Variants in OSBPL9 observed in about 807,000 individuals in gnomAD.
OSBPL9 encodes oxysterol-binding protein-related protein 9.
In OSBPL9, 40 loss-of-function variants were observed where a neutral mutation model predicts 106.6. The ratio of observed to expected loss-of-function variants is 0.38; its 90% CI spans 0.29 to 0.49. OSBPL9 has a LOEUF of 0.49. Ranked by LOEUF, OSBPL9 falls within the 20% of genes least tolerant of loss-of-function variation. The pLI, the probability that OSBPL9 is intolerant of heterozygous loss-of-function variation, is 0.97. For synonymous variants in OSBPL9, 269 were observed against 295.4 expected, an observed-to-expected ratio of 0.91 and a Z score of 0.92; for missense variants, 609 against 887.2, an observed-to-expected ratio of 0.69 and a Z score of 3.98.
upstream of OSBPL9, among the ~76,000 whole-genome samples, chr1:51,572,841 T>C (rs1450246830): frequency 6.6e-6 from 1 of 152,254 alleles, no homozygotes; most frequent in Non-Finnish European, 1.5e-5. Flanking sequence ...TTCTTTTCCA[T>C]CTGCTAATTT....
rs185897388 is a variant in OSBPL9 at position 51,597,513 on chromosome 1, A to G, written c.-422-611A>G. ...TGTATATATATATATACACACACAC[A>G]TATATATATACACACAATATAATCC... On this transcript the variant is annotated intron_variant, in intron 1 of 25. Transcript: ENST00000371714. Among the ~76,000 whole-genome samples, 378 of 151,320 alleles carry G rather than the reference A, an allele frequency of 2.5e-3. 1 individual carries two copies. Among genetic ancestry groups the G allele is most frequent in the African/African-American group, 8.7e-3 (357 of 41,236 alleles).
intron 3 of OSBPL9, among the ~76,000 whole-genome samples, chr1:51,678,096 T>C (rs1005270928): frequency 1.1e-4 from 16 of 151,630 alleles, no homozygotes; most frequent in African/African-American, 3.9e-4. Flanking sequence ...GGCAGATGAG[T>C]CCCTTGAGTT....
At chr1:51,739,969 G>A (rs1420795382) in intron 4 of OSBPL9, among the ~76,000 whole-genome samples, 2 of 151,828 alleles carry the variant, frequency 1.3e-5, no homozygotes, top group South Asian at 2.1e-4. Flanking sequence ...TCTAAGAAAG[G>A]CCATTATGTT....
chr1:51,578,048 C>T (rs1420124605), intron 1 of OSBPL9, among the ~76,000 whole-genome samples: 1 of 152,180 alleles, frequency 6.6e-6, no homozygotes, highest in Admixed American at 6.5e-5. Flanking sequence ...TCTGTCTTCC[C>T]TACCAGACTA....
At chr1:51,683,126 C>T (rs538117645) in intron 3 of OSBPL9, among the ~76,000 whole-genome samples, 72 of 152,164 alleles carry the variant, frequency 4.7e-4, no homozygotes, top group Admixed American at 2.7e-3. Context: ...CCGCCCGCCT[C>T]TGCCTCCCAA....
At position 51,642,616 on chromosome 1, in the gene OSBPL9, C is replaced by T. The variant is rs552570157; in HGVS notation, c.112-9375C>T. Among the ~76,000 whole-genome samples the T allele has an allele frequency of 2.0e-5, 3 of 152,248 alleles. No individual in the cohort carries two copies. In the South Asian group the frequency reaches 6.2e-4, roughly 32 times the overall value. On this transcript the variant is annotated intron_variant, in intron 1 of 23. Transcript: ENST00000428468. ...GGGGAAATAGGCAACTGTCCCCCTCCCCTCATGAAATGGTCACTTAGGAAA... is the reference window on the plus strand; with the variant it reads ...GGGGAAATAGGCAACTGTCCCCCTCTCCTCATGAAATGGTCACTTAGGAAA...
At chr1:51,697,666 G>T (rs184301137) in intron 3 of OSBPL9, among the ~76,000 whole-genome samples, 1 of 151,450 alleles carries the variant, frequency 6.6e-6, no homozygotes, top group Non-Finnish European at 1.5e-5. Flanking sequence ...AGTTTAGGTT[G>T]TGTGAGTTAC....
intron 4 of OSBPL9, among the ~76,000 whole-genome samples, chr1:51,720,902 G>A (rs1662002514): frequency 1.3e-5 from 2 of 148,634 alleles, no homozygotes; most frequent in African/African-American, 5.0e-5. Flanking sequence ...GGCTCAAGCA[G>A]TCCTCTCACC....
chr1:51,684,893 G>GCCTGAAC (rs1653406145), intron 3 of OSBPL9, among the ~76,000 whole-genome samples: 2 of 149,994 alleles, frequency 1.3e-5, no homozygotes, highest in African/African-American at 4.9e-5. Flanking sequence ...TCAAATAGTT[G>GCCTGAAC]CCTGAACACT....
chr1:51,624,603 T>TAAATAA (rs1463942212), intron 1 of OSBPL9, among the ~76,000 whole-genome samples: 3 of 151,460 alleles, frequency 2.0e-5, no homozygotes, highest in Admixed American at 6.6e-5. Context: ...AATAAATAAA[T>TAAATAA]AAATAAAAAT....
intron 9 of OSBPL9, chr1:51,756,610 C>A: frequency 4.5e-6 from 2 of 444,714 alleles, no homozygotes; most frequent in Admixed American, 3.6e-5. Context: ...AAGGGTTAAT[C>A]ATGGTATGAA....
chr1:51,650,989 G>A (rs1413169254), intron 1 of OSBPL9, among the ~76,000 whole-genome samples: 1 of 152,178 alleles, frequency 6.6e-6, no homozygotes, highest in Non-Finnish European at 1.5e-5. Flanking sequence ...TGAGGCATAA[G>A]TCAGATACAA....
intron 9 of OSBPL9, among the ~76,000 whole-genome samples, chr1:51,758,139 G>A (rs1303513688): frequency 6.6e-6 from 1 of 152,072 alleles, no homozygotes; most frequent in African/African-American, 2.4e-5. Flanking sequence ...CAAAAAGATT[G>A]AGTACTTTTA....
intron 15 of OSBPL9, among the ~76,000 whole-genome samples, chr1:51,780,083 GAA>G (rs551088535): frequency 2.6e-5 from 2 of 75,590 alleles, no homozygotes; most frequent in Non-Finnish European, 2.8e-5. Flanking sequence ...ATCTCAAAAA[GAA>G]AAAAAAAAAA....
intron 2 of OSBPL9, among the ~76,000 whole-genome samples, chr1:51,661,110 A>G (rs576657521): frequency 1.5e-4 from 23 of 152,292 alleles, no homozygotes; most frequent in African/African-American, 5.1e-4. Flanking sequence ...TAGACTTCCA[A>G]TGTCATTTAA....
At chr1:51,530,675 T>A in the OSBPL9 span, among the ~76,000 whole-genome samples, 4 of 151,310 alleles carry the variant, frequency 2.6e-5, no homozygotes, top group Non-Finnish European at 5.9e-5. Flanking sequence ...CCAGCCTGGG[T>A]GACAGACTGA....
chr1:51,686,056 G>C (rs1653727301), intron 3 of OSBPL9, among the ~76,000 whole-genome samples: 1 of 152,132 alleles, frequency 6.6e-6, no homozygotes, highest in Non-Finnish European at 1.5e-5. Flanking sequence ...ATCAAGTGGA[G>C]ATGGGTGTCA....
rs373597367 is a variant in OSBPL9 at position 51,590,670 on chromosome 1, A to C, written c.-422-7454A>C. Among the ~76,000 whole-genome samples the C allele has an allele frequency of 2.1e-4, 32 of 151,786 alleles. No homozygotes were observed. The East Asian group carries it at 6.0e-3, about 28-fold the overall frequency. The stretch of plus-strand genomic sequence containing the variant: ...GAAAAAAAAAGTCACGTTTAGGATT[A>C]TGTTTTGAAGGTACACTCAATTAAA... On this transcript the variant is annotated intron_variant, in intron 1 of 25. Transcript: ENST00000371714.
intron 3 of OSBPL9, among the ~76,000 whole-genome samples, chr1:51,686,902 T>G (rs1258378164): frequency 6.6e-6 from 1 of 152,258 alleles, no homozygotes; most frequent in Non-Finnish European, 1.5e-5. Context: ...TATTTACTCC[T>G]TCTTTGCAGA....
Sources: allele counts gnomAD v4.1 joint callset (sites outside exome capture counted in the v4.1 genomes callset), GRCh38; gene constraint gnomAD v4.1.1; transcripts MANE v1.5; gene names NCBI Gene and HGNC (gene_info 2026-07-23, HGNC 2026-07-21).